The following NF2 variants were observed in gnomAD, a reference collection of about 807,000 sequenced individuals.
NF2 encodes NF2, moesin-ezrin-radixin like (MERLIN) tumor suppressor, also known as merlin.
A neutral mutation model predicts 83.7 loss-of-function variants in NF2; 8 were observed. The observed-to-expected ratio is 0.10, with a 90% CI of 0.06 to 0.17. The LOEUF is 0.17. Among genes scored for constraint, NF2 ranks in the 10% least tolerant of loss-of-function variants. The pLI is 1.00. For synonymous variants in NF2, 266 were observed against 269.6 expected (o/e 0.99, Z 0.13); for missense variants, 533 against 744.4 (o/e 0.72, Z 3.31).
intron 6 of NF2, 38 bp from the exon 7 acceptor site, chr22:29,658,151 C>G (rs969270271): frequency 6.2e-7 from 1 of 1,600,942 alleles, no homozygotes; most frequent in Non-Finnish European, 8.6e-7. Context: ...ACCCATCTCA[C>G]TTAGCTCCAA....
intron 4 of NF2, among the ~76,000 whole-genome samples, chr22:29,644,387 A>G (rs892946340): frequency 3.8e-4 from 56 of 149,328 alleles, no homozygotes; most frequent in Non-Finnish European, 7.2e-4. Flanking sequence ...GGCGCTCCTC[A>G]CTTCCCAGAT....
At chr22:29,637,359 G>A (rs1322910764) in intron 2 of NF2, among the ~76,000 whole-genome samples, 3 of 152,184 alleles carry the variant, frequency 2.0e-5, no homozygotes, top group Non-Finnish European at 2.9e-5. Flanking sequence ...TCCCCAGGGT[G>A]AAAGAATGTC....
At chr22:29,624,922 T>TC (rs1601557270) in intron 1 of NF2, among the ~76,000 whole-genome samples, 6 of 143,210 alleles carry the variant, frequency 4.2e-5, no homozygotes, top group African/African-American at 2.7e-5. Flanking sequence ...TCTCTCTCTC[T>TC]TTCTTTCTTT....
intron 1 of NF2, among the ~76,000 whole-genome samples, chr22:29,621,578 G>A (rs746814070): frequency 6.6e-6 from 1 of 151,870 alleles, no homozygotes; most frequent in Non-Finnish European, 1.5e-5. Context: ...GAGGTGGGAG[G>A]ATCACATGAG....
At chr22:29,649,473 G>A (rs1327147963) in intron 4 of NF2, among the ~76,000 whole-genome samples, 1 of 152,198 alleles carries the variant, frequency 6.6e-6, no homozygotes, top group Admixed American at 6.5e-5. Flanking sequence ...GGCAAGAGGT[G>A]GGAGGATAGC....
At position 29,603,919 on chromosome 22, in the gene NF2, T is replaced by C; in HGVS notation, c.-80T>C. The C allele has an allele frequency of 8.8e-7, 1 of 1,134,900 alleles. No homozygotes were observed. Among genetic ancestry groups the C allele is most frequent in the Non-Finnish European group, 1.3e-6 (1 of 782,642 alleles). The allele number at this position is 1,134,900 out of a possible 1,614,324, so 70.3% of individuals were successfully genotyped here. A position where few individuals can be genotyped will look rare whatever the true frequency, so the allele number is the denominator to read the frequency against. On this transcript the variant is annotated 5_prime_UTR_variant, in exon 1 of 16. Transcript: ENST00000338641. ...CGGCCACCATGGTGGCCCTGAGGCC[T>C]GTGCAGCAACTCCAGGGGGGCTAAA...
intron 12 of NF2, 68 bp from the exon 13 acceptor site, chr22:29,674,768 G>T (rs1422794009): frequency 2.2e-6 from 3 of 1,388,956 alleles, no homozygotes; most frequent in East Asian, 5.0e-5. Flanking sequence ...CTCTGCAGGG[G>T]TGGGGTGGTG....
chr22:29,675,871 A>T (rs1490525304), intron 13 of NF2, among the ~76,000 whole-genome samples: 1 of 152,180 alleles, frequency 6.6e-6, no homozygotes, highest in Non-Finnish European at 1.5e-5. Flanking sequence ...TACATGACCC[A>T]GATGCACAAA....
chr22:29,623,544 G>A (rs557952277), intron 1 of NF2, among the ~76,000 whole-genome samples: 53 of 152,268 alleles, frequency 3.5e-4, no homozygotes, highest in Admixed American at 2.0e-3. Flanking sequence ...TAAGCATCTA[G>A]TGAATCTAGA....
chr22:29,611,969 T>G (rs563033070), intron 1 of NF2, among the ~76,000 whole-genome samples: 14 of 152,334 alleles, frequency 9.2e-5, no homozygotes, highest in Non-Finnish European at 1.8e-4. Flanking sequence ...AGTATAAAAC[T>G]TATACTCTAA....
intron 15 of NF2, among the ~76,000 whole-genome samples, chr22:29,682,720 A>G (rs1047063936): frequency 1.3e-5 from 2 of 152,178 alleles, no homozygotes; most frequent in African/African-American, 4.8e-5. Context: ...TGAGCCAGTG[A>G]GCCAGTCAGC....
rs749326764 is a variant in NF2, at chr22:29,678,271, G to T, written c.1522G>T (p.Asp508Tyr). ...CCTCATTGGTGACAGCCTGTCTTTCGACTTCAAAGATACTGACATGAAGCG... is the reference window on the plus strand; with the variant it reads ...CCTCATTGGTGACAGCCTGTCTTTCTACTTCAAAGATACTGACATGAAGCG... The part of the protein sequence containing the change: ...FNLIGDSLSF[D>Y]FKDTDMKRLS... The change falls in exon 14 of 16, where the codon GAC becomes TAC. Residue 508 changes from aspartate (D) to tyrosine (Y), a missense_variant. Around this residue, in one of 3 missense-constraint regions of NF2, gnomAD observed 199 missense variants for 240.7 expected, o/e 0.83. Coordinates refer to ENST00000338641, the MANE Select transcript of NF2 (RefSeq NM_000268.4). 1.2e-6 allele frequency: 2 copies of T among 1,614,028 alleles called. No homozygotes were observed. Among genetic ancestry groups the T allele is most frequent in the Non-Finnish European group, 8.5e-7 (1 of 1,179,982 alleles).
intron 15 of NF2, among the ~76,000 whole-genome samples, chr22:29,692,882 A>G (rs981603339): frequency 4.6e-5 from 7 of 152,188 alleles, no homozygotes; most frequent in Non-Finnish European, 1.0e-4. Context: ...CCCACGAGGA[A>G]GGGGCTGCCA....
At chr22:29,605,770 C>T (rs1343580072) in intron 1 of NF2, among the ~76,000 whole-genome samples, 1 of 152,168 alleles carries the variant, frequency 6.6e-6, no homozygotes, top group African/African-American at 2.4e-5. Context: ...TTACTCACTC[C>T]TAGCTTAGTG....
chr22:29,629,035 G>A (rs181298292), intron 1 of NF2, among the ~76,000 whole-genome samples: 13 of 152,190 alleles, frequency 8.5e-5, no homozygotes, highest in African/African-American at 2.7e-4. Flanking sequence ...CCCTCTTTTT[G>A]CTGTGATCTA....
chr22:29,682,892 C>A, intron 15 of NF2: 1 of 1,143,262 alleles, frequency 8.7e-7, no homozygotes, highest in Non-Finnish European at 1.3e-6. Context: ...CGTTCCAAGC[C>A]ATTAAAACAA....
intron 1 of NF2, among the ~76,000 whole-genome samples, chr22:29,606,397 G>A (rs2064798113): frequency 6.6e-6 from 1 of 152,206 alleles, no homozygotes; most frequent in South Asian, 2.1e-4. Flanking sequence ...GCGGTCCCCT[G>A]CCTCCTTCCA....
chr22:29,630,795 G>A (rs928599234), intron 1 of NF2, among the ~76,000 whole-genome samples: 1 of 152,200 alleles, frequency 6.6e-6, no homozygotes, highest in Non-Finnish European at 1.5e-5. Context: ...CTTTGGCTGC[G>A]TGGAAAGCGA....
At chr22:29,654,799 G>T in intron 5 of NF2, 74 bp downstream of exon 5, 1 of 1,138,330 alleles carries the variant, frequency 8.8e-7, no homozygotes. Context: ...CAAAGGACTT[G>T]AAGGAATATT....
Sources: allele counts gnomAD v4.1 joint callset (sites outside exome capture counted in the v4.1 genomes callset), GRCh38; gene constraint gnomAD v4.1.1; regional missense constraint gnomAD v4.1.1; transcripts MANE v1.5; gene names NCBI Gene and HGNC (gene_info 2026-07-23, HGNC 2026-07-21).